Variants in RAPGEF2 observed in about 807,000 individuals in gnomAD.
The protein encoded by RAPGEF2 is Rap guanine nucleotide exchange factor 2, also known as PDZ domain containing guanine nucleotide exchange factor (GEF) 1.
A neutral mutation model predicts 186.7 loss-of-function variants in RAPGEF2; 54 were observed. The ratio of observed to expected loss-of-function variants is 0.29; its 90% CI spans 0.23 to 0.36. RAPGEF2 has a LOEUF of 0.36. RAPGEF2 is among the 10% of genes least tolerant of loss of function. The probability of loss-of-function intolerance (pLI) is 1.00; values close to 1 mark genes in which losing one functional copy is unlikely to be tolerated. For synonymous variants in RAPGEF2, 712 were observed against 705.9 expected (o/e 1.01, Z -0.14); for missense variants, 1,532 against 2,045.0 (o/e 0.75, Z 4.84).
chr4:159,309,012 CTCTGT>C (rs1763637198), intron 8 of RAPGEF2, among the ~76,000 whole-genome samples: 1 of 152,174 alleles, frequency 6.6e-6, no homozygotes, highest in African/African-American at 2.4e-5. Context: ...TTTCCCTCTG[CTCTGT>C]TAAGTAGCTT....
rs190179725 is a variant in RAPGEF2 at position 159,143,072 on chromosome 4, G to T, written c.69+38841G>T. ...ATAAACTTCCTTGAGTAATTTTAAG[G>T]ATTAAGAAGAAATTTGTTGCTGGGC... On this transcript the variant is annotated intron_variant, in intron 1 of 29. Transcript: ENST00000691494. Among the ~76,000 whole-genome samples, 142 of 152,200 alleles carry T rather than the reference G, an allele frequency of 9.3e-4. 1 individual carries two copies. Among genetic ancestry groups the T allele is most frequent in the Admixed American group, 2.6e-3 (40 of 15,296 alleles).
rs149243164 is a variant in RAPGEF2 at position 159,125,394 on chromosome 4, G to A, written c.69+21163G>A. 4.9e-3 allele frequency among the ~76,000 whole-genome samples: 752 copies of A among 152,132 alleles called. 7 individuals carry two copies. The highest frequency in any genetic ancestry group is 0.017 in the African/African-American group (690 of 41,484). On this transcript the variant is annotated intron_variant, in intron 1 of 29. Coordinates refer to ENST00000691494, the MANE Select transcript of RAPGEF2 (RefSeq NM_001394067.2). The stretch of plus-strand genomic sequence containing the variant: ...AGAAACTTACCAGAGTTTGTATTCC[G>A]TTTTCTTTGTAATGTGCTATGGAGT...
intron 7 of RAPGEF2, among the ~76,000 whole-genome samples, chr4:159,246,923 A>G (rs1317214414): frequency 6.6e-6 from 1 of 152,080 alleles, no homozygotes; most frequent in Non-Finnish European, 1.5e-5. Flanking sequence ...TTTATGTGAT[A>G]TCACACCTGG....
chr4:159,135,945 A>G (rs978904976), intron 1 of RAPGEF2, among the ~76,000 whole-genome samples: 1 of 152,202 alleles, frequency 6.6e-6, no homozygotes, highest in Admixed American at 6.5e-5. Flanking sequence ...AAAAATTGCC[A>G]AAATAGTACA....
intron 1 of RAPGEF2, among the ~76,000 whole-genome samples, chr4:159,166,409 G>C (rs961267759): frequency 2.0e-5 from 3 of 152,232 alleles, no homozygotes; most frequent in Admixed American, 1.3e-4. Context: ...AGAGGCCTGT[G>C]GGGTGAGGGG....
Position 159,284,621 on chromosome 4 carries a change from T to C in RAPGEF2, c.544-19721T>C, listed in dbSNP as rs10006690. On this transcript the variant is annotated intron_variant, in intron 7 of 29. Transcript: ENST00000691494. ...CATTCCAATAGACACTTTATCCCTT[T>C]TTTCCTGAATTAAGGTGATAAATCT... Among the ~76,000 whole-genome samples, 1,056 of 152,290 alleles carry C rather than the reference T, an allele frequency of 6.9e-3. 10 individuals carry two copies. Among genetic ancestry groups the C allele is most frequent in the African/African-American group, 0.024 (1,000 of 41,540 alleles).
intron 7 of RAPGEF2, among the ~76,000 whole-genome samples, chr4:159,291,262 A>G (rs1378939307): frequency 2.0e-5 from 3 of 152,146 alleles, no homozygotes; most frequent in African/African-American, 7.2e-5. Context: ...ATGTGTGAAT[A>G]TATACATCTG....
chr4:159,211,178 T>C (rs1212294332), intron 4 of RAPGEF2, among the ~76,000 whole-genome samples: 1 of 152,188 alleles, frequency 6.6e-6, no homozygotes, highest in Non-Finnish European at 1.5e-5. Context: ...TTGACTGCAG[T>C]GCTGGTATTG....
intron 26 of RAPGEF2, 82 bp downstream of exon 26, chr4:159,350,371 T>G: frequency 8.4e-7 from 1 of 1,185,386 alleles, no homozygotes; most frequent in Non-Finnish European, 1.1e-6. Flanking sequence ...ATGTATTACA[T>G]AATTCCTAAC....
At chr4:159,313,817 C>T (rs1265958984) in intron 8 of RAPGEF2, among the ~76,000 whole-genome samples, 2 of 152,076 alleles carry the variant, frequency 1.3e-5, no homozygotes, top group Non-Finnish European at 2.9e-5. Context: ...ATGATATATA[C>T]ATACATATTG....
chr4:159,182,386 CTTTTTTTTTTTTTTTT>C (rs575743979), intron 1 of RAPGEF2, among the ~76,000 whole-genome samples: 42 of 85,674 alleles, frequency 4.9e-4, no homozygotes, highest in African/African-American at 1.7e-3. Context: ...TTCTTTTCTT[CTTTTTTTTTTTTTTTT>C]TTTTTTTTTT....
intron 1 of RAPGEF2, among the ~76,000 whole-genome samples, chr4:159,161,457 C>G (rs553618986): frequency 6.6e-6 from 1 of 152,276 alleles, no homozygotes; most frequent in African/African-American, 2.4e-5. Context: ...GTAATCCCAG[C>G]ACTTTGGGAG....
At chr4:159,272,178 C>T (rs910423893) in intron 7 of RAPGEF2, among the ~76,000 whole-genome samples, 1 of 152,264 alleles carries the variant, frequency 6.6e-6, no homozygotes, top group East Asian at 1.9e-4. Context: ...TCATGATCAC[C>T]TCCCTTAAGT....
intron 1 of RAPGEF2, among the ~76,000 whole-genome samples, chr4:159,143,265 C>CA (rs1008605643): frequency 6.0e-5 from 9 of 150,942 alleles, no homozygotes; most frequent in East Asian, 3.9e-4. Context: ...CTACCACCAC[C>CA]AAAAAAAACC....
intron 25 of RAPGEF2, 92 bp from the exon 26 acceptor site, chr4:159,350,045 A>T: frequency 2.5e-6 from 2 of 803,264 alleles, no homozygotes; most frequent in Non-Finnish European, 3.7e-6. Context: ...TAATGATATT[A>T]AATCTTAACA....
intron 2 of RAPGEF2, among the ~76,000 whole-genome samples, chr4:159,190,101 A>G (rs945877472): frequency 2.6e-5 from 4 of 152,214 alleles, no homozygotes; most frequent in Non-Finnish European, 5.9e-5. Flanking sequence ...GGTGCCCCAG[A>G]TGCTCTGTCA....
Position 159,358,159 on chromosome 4 carries a change from G to A in RAPGEF2, c.*20G>A, listed in dbSNP as rs780885553. 4.3e-6 allele frequency: 7 copies of A among 1,609,300 alleles called. No individual in the cohort carries two copies. The South Asian group carries it at 7.8e-5, about 18-fold the overall frequency. ...GTTTGAGGCACAGACTTTTCTGGAA[G>A]CAGAGCGAGCCACCTGAAAGGAGAG... is the stretch of plus-strand genomic sequence containing the variant. On this transcript the variant is annotated 3_prime_UTR_variant, in exon 30 of 30. Coordinates refer to ENST00000691494, the MANE Select transcript of RAPGEF2 (RefSeq NM_001394067.2).
rs190021247 is a variant in RAPGEF2 at position 159,191,660 on chromosome 4, A to G, written c.141-1540A>G. ...AGGCTGAGGCAGGAGAATTGCTTGA[A>G]CCCGGGAGGTGGAGGTTGCAGTGAG... On this transcript the variant is annotated intron_variant, in intron 2 of 29. Transcript: ENST00000691494. Among the ~76,000 whole-genome samples the G allele has an allele frequency of 1.0e-3, 156 of 152,036 alleles. 1 individual carries two copies. Among genetic ancestry groups the G allele is most frequent in the African/African-American group, 3.5e-3 (147 of 41,476 alleles).
chr4:159,308,184 T>C (rs1433548684), intron 8 of RAPGEF2, among the ~76,000 whole-genome samples: 2 of 152,232 alleles, frequency 1.3e-5, no homozygotes, highest in Non-Finnish European at 2.9e-5. Context: ...TACAGCCTGC[T>C]ATCTGGCTTT....
Sources: allele counts gnomAD v4.1 joint callset (sites outside exome capture counted in the v4.1 genomes callset), GRCh38; gene constraint gnomAD v4.1.1; transcripts MANE v1.5; gene names NCBI Gene and HGNC (gene_info 2026-07-23, HGNC 2026-07-21).